Variants in ZNF99 observed in about 807,000 individuals in gnomAD.
The protein encoded by ZNF99 is zinc finger protein 99.
A neutral mutation model predicts 12.8 loss-of-function variants in ZNF99; 8 were observed. That is an observed-to-expected ratio of 0.62 (90% confidence interval 0.37 to 1.13). The LOEUF (loss-of-function observed/expected upper bound fraction) is 1.13, where lower values mean the gene tolerates loss of function less well. Ranked by LOEUF, ZNF99 falls within the 50% of genes most tolerant of loss-of-function variation. The pLI is 0.02. For missense variants in ZNF99, 1,007 were observed against 1,006.2 expected (o/e 1.00, Z -0.01); for synonymous variants, 318 against 319.0 (o/e 1.00, Z 0.03).
At chr19:22,773,222 A>C (rs1973291641) in intron 1 of ZNF99, among the ~76,000 whole-genome samples, 1 of 152,240 alleles carries the variant, frequency 6.6e-6, no homozygotes, top group Non-Finnish European at 1.5e-5. Context: ...CCTCTAGCTT[A>C]AAGCTTGGGT....
Position 22,758,875 on chromosome 19 carries a change from T to C in ZNF99, c.1034A>G (p.Glu345Gly). Residue 345 changes from glutamate (E) to glycine (G), a missense_variant, in exon 4 of 4, where the codon GAA becomes GGA. Glu to Gly is a moderately conservative substitution (Grantham distance 98, BLOSUM62 -2). Transcript: ENST00000596209. ...GGACTGGCTAAAAGCTTTGCCACAT[T>C]CTTCACATTTGTAGGGTTTCTTTCC... ...HTGKKPYKCE[E>G]CGKAFSQSST... The C allele has an allele frequency of 1.2e-6, 2 of 1,613,866 alleles. No individual in the cohort carries two copies. Among genetic ancestry groups the C allele is most frequent in the East Asian group, 2.2e-5 (1 of 44,856 alleles).
intron 3 of ZNF99, among the ~76,000 whole-genome samples, chr19:22,765,478 AT>A (rs1450515244): frequency 6.6e-6 from 1 of 152,044 alleles, no homozygotes; most frequent in African/African-American, 2.4e-5. Flanking sequence ...TCAATAACTT[AT>A]GAAAAAATAA....
intron 1 of ZNF99, chr19:22,770,021 A>C (rs761855662): frequency 7.5e-7 from 1 of 1,325,756 alleles, no homozygotes; most frequent in African/African-American, 1.5e-5. Context: ...TAATGTGTAC[A>C]ATTAACTGGA....
At chr19:22,783,588 C>T (rs56081883) in intron 1 of ZNF99, among the ~76,000 whole-genome samples, 13,016 of 152,156 alleles carry the variant, frequency 0.086, 570 homozygotes, top group Middle Eastern at 0.11. Flanking sequence ...TTGATTAAAT[C>T]CTTTATTACT....
chr19:22,762,144 C>T (rs1300408831), intron 3 of ZNF99, among the ~76,000 whole-genome samples: 1 of 151,530 alleles, frequency 6.6e-6, no homozygotes, highest in Non-Finnish European at 1.5e-5. Context: ...ACAGTCAGAG[C>T]AGAATGAAAT....
intron 3 of ZNF99, among the ~76,000 whole-genome samples, chr19:22,765,281 T>C (rs555113535): frequency 1.2e-4 from 19 of 152,170 alleles, no homozygotes; most frequent in South Asian, 4.1e-4. Context: ...GGAGTTAAGC[T>C]ATGAGGATGC....
chr19:22,778,546 T>C (rs1190877407), intron 1 of ZNF99, among the ~76,000 whole-genome samples: 3 of 152,208 alleles, frequency 2.0e-5, no homozygotes, highest in Non-Finnish European at 4.4e-5. Flanking sequence ...TCTTTGCTTC[T>C]GAGCTACTGT....
At chr19:22,763,079 C>T (rs551975210) in intron 3 of ZNF99, among the ~76,000 whole-genome samples, 1 of 152,050 alleles carries the variant, frequency 6.6e-6, no homozygotes, top group Admixed American at 6.6e-5. Flanking sequence ...TGGAACAAGA[C>T]AAGGATGCCC....
intron 1 of ZNF99, among the ~76,000 whole-genome samples, chr19:22,773,478 T>C (rs757101743): frequency 6.6e-6 from 1 of 152,200 alleles, no homozygotes; most frequent in Non-Finnish European, 1.5e-5. Flanking sequence ...TCATACATAG[T>C]TATTCCTAAA....
In ZNF99 at chr19:22,776,408, GATATAT is replaced by G. The variant is rs55638958; in HGVS notation, c.4-7090_4-7085del. Among the ~76,000 whole-genome samples, 70 of 69,282 alleles carry G rather than the reference GATATAT, an allele frequency of 1.0e-3. 1 individual carries two copies. Among genetic ancestry groups the G allele is most frequent in the South Asian group, 2.5e-3 (4 of 1,630 alleles). 45.5% of individuals were successfully genotyped at this position (69,282 alleles called of 152,430 possible). The stretch of plus-strand genomic sequence containing the variant: ...CATGAGCAAACTTTTTCCAAAATAA[GATATAT>G]ATATATATATATATATATATATATA... On this transcript the variant is annotated intron_variant, in intron 1 of 3. Coordinates refer to ENST00000596209, the MANE Select transcript of ZNF99 (RefSeq NM_001080409.3).
rs1225642827 is a variant in ZNF99, at chr19:22,754,654, A to C, written c.*2660T>G. 2 of 334,446 alleles carry C rather than the reference A, an allele frequency of 6.0e-6. No homozygotes were observed. Among genetic ancestry groups the C allele is most frequent in the Admixed American group, 4.1e-5 (1 of 24,254 alleles). The allele number at this position is 334,446 out of a possible 1,614,324, so 20.7% of individuals were successfully genotyped here. A position where few individuals can be genotyped will look rare whatever the true frequency, so the allele number is the denominator to read the frequency against. ...TTACAGTGTTTGCCACATTCTTCAT[A>C]TTTGTAGGGCTAGTTTCCATTATGA... On this transcript the variant is annotated 3_prime_UTR_variant, in exon 4 of 4. Transcript: ENST00000596209.
Position 22,753,117 on chromosome 19 carries a change from A to ATTACATCC in ZNF99, c.*4189_*4196dup, listed in dbSNP as rs1429507902. The ATTACATCC allele has an allele frequency of 6.6e-6, 1 of 150,752 alleles. No homozygotes were observed. Among genetic ancestry groups the ATTACATCC allele is most frequent in the Non-Finnish European group, 1.5e-5 (1 of 67,902 alleles). 9.3% of individuals were successfully genotyped at this position (150,752 alleles called of 1,614,324 possible). On this transcript the variant is annotated 3_prime_UTR_variant, in exon 4 of 4. Coordinates refer to ENST00000596209, the MANE Select transcript of ZNF99 (RefSeq NM_001080409.3). ...GAGCATGAAGTAACTTGAGAGTTGA[A>ATTACATCC]TTACATCCTTATTTGCTTTTCAGAG... is the stretch of plus-strand genomic sequence containing the variant.
intron 3 of ZNF99, among the ~76,000 whole-genome samples, chr19:22,760,149 T>C (rs1419691206): frequency 6.6e-6 from 1 of 152,090 alleles, no homozygotes; most frequent in Non-Finnish European, 1.5e-5. Flanking sequence ...AATTCAAAAA[T>C]TAGCCAGGCA....
At chr19:22,760,358 T>C (rs1259508588) in intron 3 of ZNF99, among the ~76,000 whole-genome samples, 3 of 152,186 alleles carry the variant, frequency 2.0e-5, no homozygotes, top group Non-Finnish European at 2.9e-5. Context: ...CAGTGGCACA[T>C]ACATATTTAT....
In ZNF99 at chr19:22,756,696, T is replaced by C. The variant is rs762498688; in HGVS notation, c.*618A>G. 6.1e-6 allele frequency: 9 copies of C among 1,475,454 alleles called. No homozygotes were observed. Among genetic ancestry groups the C allele is most frequent in the Non-Finnish European group, 1.8e-6 (2 of 1,101,804 alleles). 91.4% of individuals were successfully genotyped at this position (1,475,454 alleles called of 1,614,324 possible). On this transcript the variant is annotated 3_prime_UTR_variant, in exon 4 of 4. Transcript: ENST00000596209. ...AATTGTTAAAACCTTTGCCACATTCTTCACATTTGTACGGTTTCTCCCCAG... is the reference window on the plus strand; with the variant it reads ...AATTGTTAAAACCTTTGCCACATTCCTCACATTTGTACGGTTTCTCCCCAG...
chr19:22,770,040 T>G, intron 1 of ZNF99: 1 of 1,289,304 alleles, frequency 7.8e-7, no homozygotes, highest in Non-Finnish European at 1.0e-6. Flanking sequence ...GAGATCTTGT[T>G]AAGCATATTT....
Position 22,754,935 on chromosome 19 carries a change from G to T in ZNF99, c.*2379C>A. 1 of 173,844 alleles carries T rather than the reference G, an allele frequency of 5.8e-6. No homozygotes were observed. The highest frequency in any genetic ancestry group is 1.3e-4 in the South Asian group (1 of 7,768). The allele number at this position is 173,844 out of a possible 1,614,324, so 10.8% of individuals were successfully genotyped here. A position where few individuals can be genotyped will look rare whatever the true frequency, so the allele number is the denominator to read the frequency against. On this transcript the variant is annotated 3_prime_UTR_variant, in exon 4 of 4. Transcript: ENST00000596209. ...AAATACAAAATTAGGTGGGCGTGGTGGCACATGCCTATAGTCCCTGCTACT... is the reference window on the plus strand; with the variant it reads ...AAATACAAAATTAGGTGGGCGTGGTTGCACATGCCTATAGTCCCTGCTACT...
At chr19:22,783,965 T>C in intron 1 of ZNF99, 49 bp downstream of exon 1, 1 of 1,613,368 alleles carries the variant, frequency 6.2e-7, no homozygotes, top group South Asian at 1.1e-5. Flanking sequence ...TTCCACCGGT[T>C]CCAGTCAGCC....
chr19:22,779,326 C>G (rs1474439873), intron 1 of ZNF99, among the ~76,000 whole-genome samples: 1 of 152,044 alleles, frequency 6.6e-6, no homozygotes, highest in Non-Finnish European at 1.5e-5. Flanking sequence ...GAGTTCGAGA[C>G]CAGCTTGGCC....
Sources: gnomAD v4.1 joint callset for allele counts (sites outside exome capture counted in the v4.1 genomes callset) on GRCh38, gnomAD v4.1.1 for gene constraint, MANE v1.5 for transcripts, NCBI Gene and HGNC (gene_info 2026-07-23, HGNC 2026-07-21) for gene names.